Variants in SLC7A2 observed in about 807,000 individuals in gnomAD.
The protein encoded by SLC7A2 is cationic amino acid transporter 2.
In SLC7A2, 48 loss-of-function variants were observed where a neutral mutation model predicts 58.9. The ratio of observed to expected loss-of-function variants is 0.82; its 90% confidence interval spans 0.65 to 1.04. The LOEUF (loss-of-function observed/expected upper bound fraction) is 1.04, where lower values mean the gene tolerates loss of function less well. SLC7A2 is among the 50% of genes least tolerant of loss of function. SLC7A2 has a pLI of 0.00. For missense variants in SLC7A2, 1,029 were observed against 818.8 expected, an observed-to-expected ratio of 1.26 and a Z score of -3.13; for synonymous variants, 363 against 314.5, an observed-to-expected ratio of 1.15 and a Z score of -1.63.
chr8:17,510,656 T>G (rs1800566641), intron 2 of SLC7A2: 1 of 152,206 alleles, frequency 6.6e-6, no homozygotes, highest in South Asian at 2.1e-4. Context: ...TGTTCATATC[T>G]TTTGCCCGCT....
chr8:17,558,197 A>G (rs1355224782), intron 8 of SLC7A2, 98 bp from the exon 9 acceptor site: 3 of 734,992 alleles, frequency 4.1e-6, no homozygotes, highest in Non-Finnish European at 7.4e-6. Context: ...TGGTACTAAA[A>G]CGAAGTGGCA....
At chr8:17,532,432 G>A (rs190204482) in intron 2 of SLC7A2, among the ~76,000 whole-genome samples, 1 of 151,790 alleles carries the variant, frequency 6.6e-6, no homozygotes, top group African/African-American at 2.4e-5. Context: ...CAAGCTTTAT[G>A]GTAATGGCCA....
At chr8:17,523,512 A>G (rs1276987752) in intron 2 of SLC7A2, among the ~76,000 whole-genome samples, 1 of 152,208 alleles carries the variant, frequency 6.6e-6, no homozygotes, top group African/African-American at 2.4e-5. Context: ...TAAAGTGGGG[A>G]AAGAACACCC....
rs183028950 is a variant in SLC7A2 at position 17,548,337 on chromosome 8, T to C, written c.533-341T>C. ...GCCAGGGAAACAGAGCGAGACTCTG[T>C]CTCAAAAAAAGAAAAAATAGTTTGC... On this transcript the variant is annotated intron_variant, in intron 4 of 12. Transcript: ENST00000494857. Among the ~76,000 whole-genome samples the C allele has an allele frequency of 1.4e-3, 217 of 152,280 alleles. 1 individual carries two copies. Among genetic ancestry groups the C allele is most frequent in the Admixed American group, 0.013 (197 of 15,300 alleles).
intron 2 of SLC7A2, among the ~76,000 whole-genome samples, chr8:17,518,468 T>C (rs1416957897): frequency 1.3e-5 from 2 of 152,188 alleles, no homozygotes; most frequent in African/African-American, 4.8e-5. Flanking sequence ...TGCTTCACTT[T>C]CTGGGATGTG....
At chr8:17,508,409 G>A (rs17588895) in intron 2 of SLC7A2, among the ~76,000 whole-genome samples, 3,586 of 152,172 alleles carry the variant, frequency 0.024, 67 homozygotes, top group Non-Finnish European at 0.035. Context: ...GGTATTGTTG[G>A]ATGCCCTGTC....
chr8:17,512,861 A>G (rs1186746502), intron 2 of SLC7A2, among the ~76,000 whole-genome samples: 2 of 152,080 alleles, frequency 1.3e-5, no homozygotes, highest in Admixed American at 6.6e-5. Context: ...TGCTCTAGGA[A>G]CTTTATACAT....
rs1367605136 is a variant in SLC7A2, at chr8:17,567,627, G to A, written c.*2481G>A. 1 of 152,514 alleles carries A rather than the reference G, an allele frequency of 6.6e-6. No homozygotes were observed. The highest frequency in any genetic ancestry group is 6.5e-5 in the Admixed American group (1 of 15,270). 9.4% of individuals were successfully genotyped at this position (152,514 alleles called of 1,614,324 possible). A position where few individuals can be genotyped will look rare whatever the true frequency, so the allele number is the denominator to read the frequency against. ...TGTATAAGTAAGTTGGGTTTATGGT[G>A]GGCTTTGACTATGTCATTAGGTGGG... On this transcript the variant is annotated 3_prime_UTR_variant, in exon 13 of 13. Coordinates refer to ENST00000494857, the MANE Select transcript of SLC7A2 (RefSeq NM_001370338.1).
chr8:17,538,263 T>C (rs977817962), intron 2 of SLC7A2, among the ~76,000 whole-genome samples: 4 of 152,200 alleles, frequency 2.6e-5, no homozygotes, highest in Non-Finnish European at 5.9e-5. Flanking sequence ...TGTTTTTTGT[T>C]TTTACCTATG....
In SLC7A2 at chr8:17,553,787, AAATC is replaced by A. The variant is rs576788048; in HGVS notation, c.1056-769_1056-766del. Among the ~76,000 whole-genome samples the A allele has an allele frequency of 1.1e-4, 17 of 152,300 alleles. No individual in the cohort carries two copies. In the South Asian group the frequency reaches 2.9e-3, roughly 26 times the overall value. On this transcript the variant is annotated intron_variant, in intron 7 of 12. Transcript: ENST00000494857. ...AGTGAGTCCCTGTCGCAAATAAAAT[AAATC>A]AATAAGAAGGATTTTTAAATAAAAT...
intron 8 of SLC7A2, among the ~76,000 whole-genome samples, chr8:17,557,647 G>A (rs1802769408): frequency 6.6e-6 from 1 of 152,104 alleles, no homozygotes; most frequent in Admixed American, 6.5e-5. Context: ...GACCAACATG[G>A]TGAAACCCTG....
At position 17,560,364 on chromosome 8, in the gene SLC7A2, T is replaced by G. The variant is rs1197579203; in HGVS notation, c.1335T>G (p.Cys445Trp). 1 of 1,614,142 alleles carries G rather than the reference T, an allele frequency of 6.2e-7. No individual in the cohort carries two copies. The highest frequency in any genetic ancestry group is 1.7e-5 in the Admixed American group (1 of 60,014). The change falls in exon 10 of 13, where the codon TGT (cysteine) becomes TGG (tryptophan). Residue 445 changes from cysteine to tryptophan, a missense_variant. Cys to Trp is a radical substitution (Grantham distance 215). Coordinates refer to ENST00000494857, the MANE Select transcript of SLC7A2 (RefSeq NM_001370338.1). Reference protein sequence around the residue: ...QPGLSYDQPKCSPEKDGLGSS... With the variant: ...QPGLSYDQPKWSPEKDGLGSS... ...GCTTATCTTACGACCAGCCCAAATG[T>G]TCTCCTGAGAAAGATGGTCTGGGAT...
At chr8:17,533,988 C>A (rs934119305) in intron 2 of SLC7A2, among the ~76,000 whole-genome samples, 1 of 152,064 alleles carries the variant, frequency 6.6e-6, no homozygotes, top group Non-Finnish European at 1.5e-5. Flanking sequence ...TTGCTCAGCT[C>A]CCACTTATAA....
At chr8:17,548,392 T>C (rs1802279994) in intron 4 of SLC7A2, among the ~76,000 whole-genome samples, 1 of 152,202 alleles carries the variant, frequency 6.6e-6, no homozygotes. Context: ...AGATGTTACT[T>C]TACCTATCAC....
At chr8:17,495,908 G>T (rs958960040), upstream of SLC7A2, among the ~76,000 whole-genome samples, 6 of 152,172 alleles carry the variant, frequency 3.9e-5, no homozygotes, top group Non-Finnish European at 4.4e-5. Context: ...TTGAGATTTT[G>T]TGTGTGTGCT....
chr8:17,506,774 C>T (rs1359658357), intron 2 of SLC7A2, among the ~76,000 whole-genome samples: 1 of 146,874 alleles, frequency 6.8e-6, no homozygotes, highest in Non-Finnish European at 1.5e-5. Context: ...TTTTTTGAGA[C>T]AGACTCTTGC....
intron 2 of SLC7A2, among the ~76,000 whole-genome samples, chr8:17,512,230 A>G (rs370565558): frequency 5.3e-5 from 8 of 151,918 alleles, no homozygotes; most frequent in Admixed American, 3.3e-4. Context: ...GGCCCTGGAG[A>G]CACACAGTCC....
At position 17,567,469 on chromosome 8, in the gene SLC7A2, G is replaced by C. The variant is rs984347948; in HGVS notation, c.*2323G>C. 1 of 152,606 alleles carries C rather than the reference G, an allele frequency of 6.6e-6. No homozygotes were observed. The highest frequency in any genetic ancestry group is 1.5e-5 in the Non-Finnish European group (1 of 68,038). 9.5% of individuals were successfully genotyped at this position (152,606 alleles called of 1,614,324 possible). A position where few individuals can be genotyped will look rare whatever the true frequency, so the allele number is the denominator to read the frequency against. ...TTGCAGACACAAATATCTATGAAAA[G>C]ATGCTTTGTCAGCCACTGTGCCTTT... is the stretch of plus-strand genomic sequence containing the variant. On this transcript the variant is annotated 3_prime_UTR_variant, in exon 13 of 13. Transcript: ENST00000494857.
At position 17,570,339 on chromosome 8, in the gene SLC7A2, T is replaced by A. The variant is rs1364830016; in HGVS notation, c.*5193T>A. 1.3e-5 allele frequency: 2 copies of A among 152,582 alleles called. No individual in the cohort carries two copies. Among genetic ancestry groups the A allele is most frequent in the Non-Finnish European group, 2.9e-5 (2 of 68,024 alleles). 9.5% of individuals were successfully genotyped at this position (152,582 alleles called of 1,614,324 possible). ...GATAGGGCCCAAAACCCTACAGAAA[T>A]TCTATGTCTGTAAAAACCAACAAAG... On this transcript the variant is annotated 3_prime_UTR_variant, in exon 13 of 13. Transcript: ENST00000494857.
Sources: allele counts gnomAD v4.1 joint callset (sites outside exome capture counted in the v4.1 genomes callset), GRCh38; gene constraint gnomAD v4.1.1; transcripts MANE v1.5; gene names NCBI Gene and HGNC (gene_info 2026-07-23, HGNC 2026-07-21).